XPOT: variants seen among roughly 807,000 people sequenced by gnomAD.
XPOT encodes the protein exportin for tRNA, also known as exportin-T.
A neutral mutation model predicts 128.2 loss-of-function variants in XPOT; 34 were observed. The observed-to-expected ratio is 0.27, with a 90% CI of 0.20 to 0.35. The LOEUF (loss-of-function observed/expected upper bound fraction) is 0.35, where lower values mean the gene tolerates loss of function less well. XPOT is among the 10% of genes least tolerant of loss of function. The pLI is 1.00. For synonymous variants in XPOT, 348 were observed against 394.3 expected (o/e 0.88, Z 1.39); for missense variants, 838 against 1,125.3 (o/e 0.74, Z 3.65).
chr12:64,431,779 C>T lies in XPOT; in HGVS notation c.2218C>T (p.Gln740Ter). 6.2e-7 allele frequency: 1 copy of T among 1,614,016 alleles called. No homozygotes were observed. The highest frequency in any genetic ancestry group is 8.5e-7 in the Non-Finnish European group (1 of 1,179,976). ...CAAAGATTGTGAAGCAAAAGATCTC[C>T]AGGAGTTCATTCCTCTTATCAACCA... ...MLKDCEAKDL[Q>*]EFIPLINQIT... Residue 740 changes from glutamine (Q) to a stop codon, truncating the protein, a stop_gained, in exon 18 of 25, where the codon CAG (glutamine) becomes TAG (stop). Transcript: ENST00000332707. LOFTEE classifies it high-confidence loss of function.
chr12:64,411,783 C>T (rs2040040734), intron 2 of XPOT, among the ~76,000 whole-genome samples: 1 of 152,074 alleles, frequency 6.6e-6, no homozygotes, highest in Non-Finnish European at 1.5e-5. Flanking sequence ...ATCTGTAATT[C>T]TCTGTTTTTT....
intron 1 of XPOT, among the ~76,000 whole-genome samples, chr12:64,405,510 G>A (rs1251803823): frequency 6.6e-6 from 1 of 152,198 alleles, no homozygotes; most frequent in Non-Finnish European, 1.5e-5. Context: ...GATTCTTAAT[G>A]GCTATCCAGG....
In XPOT at chr12:64,404,747, C is replaced by T. The variant is rs1008570635; in HGVS notation, c.-132C>T. On this transcript the variant is annotated 5_prime_UTR_variant, in exon 1 of 25. Transcript: ENST00000332707. ...GCTCTCTGCGTGCCGCGCCGCTCCG[C>T]TCCGCTGGCTGACCATCTGGAGTGC... 6.6e-6 allele frequency: 1 copy of T among 152,340 alleles called. No individual in the cohort carries two copies. The highest frequency in any genetic ancestry group is 1.5e-5 in the Non-Finnish European group (1 of 68,148). 9.4% of individuals were successfully genotyped at this position (152,340 alleles called of 1,614,324 possible).
chr12:64,416,319 C>T (rs1168970531), intron 3 of XPOT, among the ~76,000 whole-genome samples: 2 of 152,174 alleles, frequency 1.3e-5, no homozygotes, highest in Non-Finnish European at 2.9e-5. Context: ...CACTCAGACT[C>T]TGTCTGTTCT....
intron 2 of XPOT, among the ~76,000 whole-genome samples, chr12:64,411,308 T>C (rs2040036684): frequency 6.6e-6 from 1 of 152,226 alleles, no homozygotes; most frequent in Non-Finnish European, 1.5e-5. Context: ...TATTGCATGC[T>C]TGTAATTAAA....
chr12:64,435,018 G>A, intron 21 of XPOT, 109 bp downstream of exon 21: 1 of 907,448 alleles, frequency 1.1e-6, no homozygotes, highest in Non-Finnish European at 1.7e-6. Context: ...TTTTAACTTA[G>A]TGATTTCAGA....
At chr12:64,426,382 C>T (rs984611497) in intron 15 of XPOT, among the ~76,000 whole-genome samples, 2 of 151,764 alleles carry the variant, frequency 1.3e-5, no homozygotes, top group South Asian at 2.1e-4. Flanking sequence ...AAAATCATGT[C>T]CTTTACAGCA....
At chr12:64,408,473 T>A (rs144039735) in intron 1 of XPOT, among the ~76,000 whole-genome samples, 92 of 152,320 alleles carry the variant, frequency 6.0e-4, no homozygotes, top group African/African-American at 2.2e-3. Context: ...GAGAGAATAA[T>A]ATCATTTTTC....
chr12:64,415,816 C>T (rs2040082812), intron 3 of XPOT, among the ~76,000 whole-genome samples: 1 of 152,176 alleles, frequency 6.6e-6, no homozygotes, highest in South Asian at 2.1e-4. Flanking sequence ...TGTAACCCAT[C>T]CTCTACAATT....
At chr12:64,437,504 G>A (rs2040292715) in intron 22 of XPOT, among the ~76,000 whole-genome samples, 1 of 152,170 alleles carries the variant, frequency 6.6e-6, no homozygotes, top group Non-Finnish European at 1.5e-5. Flanking sequence ...GATGTCACAT[G>A]GTGGATTTGG....
intron 5 of XPOT, 141 bp downstream of exon 5, chr12:64,418,256 T>A: frequency 1.5e-6 from 1 of 649,742 alleles, no homozygotes; most frequent in Non-Finnish European, 2.6e-6. Flanking sequence ...GTGCTGGTTT[T>A]AAAGATCATG....
chr12:64,439,252 A>G lies in XPOT; in HGVS notation c.2742A>G (p.Glu914=). 2 of 1,613,972 alleles carry G rather than the reference A, an allele frequency of 1.2e-6. No homozygotes were observed. Among genetic ancestry groups the G allele is most frequent in the Non-Finnish European group, 8.5e-7 (1 of 1,179,894 alleles). The change falls in exon 23 of 25, where the codon GAA becomes GAG. Residue 914 remains glutamate (E), a synonymous_variant. Coordinates refer to ENST00000332707, the MANE Select transcript of XPOT (RefSeq NM_007235.6). ...TATCTTTTAATCTTCAGGGCCCAGA[A>G]TGTGTTCAGTATCTTCAACAAGAAT... The part of the protein sequence containing the change: ...LKTIHLKRGP[E]CVQYLQQEYL...
rs888499118 is a variant in XPOT, at chr12:64,439,131, G to A, written c.2734-113G>A. 23 of 995,466 alleles carry A rather than the reference G, an allele frequency of 2.3e-5. No homozygotes were observed. In the African/African-American group the frequency reaches 3.2e-4, roughly 14 times the overall value. The allele number at this position is 995,466 out of a possible 1,614,324, so 61.7% of individuals were successfully genotyped here. On this transcript the variant is annotated intron_variant, in intron 22 of 24. Coordinates refer to ENST00000332707, the MANE Select transcript of XPOT (RefSeq NM_007235.6). ...AAGGCAGTCTGGCTCTCGGGTCTGT[G>A]TTCTTAAGCACAATACTATATTGCC...
intron 23 of XPOT, among the ~76,000 whole-genome samples, chr12:64,441,869 T>C (rs879380298): frequency 6.3e-5 from 9 of 143,584 alleles, no homozygotes; most frequent in Non-Finnish European, 9.1e-5. Context: ...TTGTTTTTGC[T>C]TTTTTTTTTA....
Position 64,420,158 on chromosome 12 carries a change from A to C in XPOT, c.578A>C (p.Asn193Thr), listed in dbSNP as rs2040125101. The change falls in exon 7 of 25, where the codon AAT becomes ACT. Residue 193 changes from asparagine to threonine, a missense_variant. Physicochemically the swap from Asn to Thr is moderately conservative, Grantham distance 65. Coordinates refer to ENST00000332707, the MANE Select transcript of XPOT (RefSeq NM_007235.6). ...LVESWYQILQ[N>T]YQFTNSEVTC... is the part of the protein sequence containing the mutation. The stretch of plus-strand genomic sequence containing the variant: ...GAATCATGGTACCAAATATTACAAA[A>C]TTATCAGTTTACTAATTCTGAAGTG... 2 of 1,613,002 alleles carry C rather than the reference A, an allele frequency of 1.2e-6. No individual in the cohort carries two copies. The highest frequency in any genetic ancestry group is 1.7e-6 in the Non-Finnish European group (2 of 1,179,574).
Position 64,434,593 on chromosome 12 carries a change from A to G in XPOT, c.2539A>G (p.Ile847Val), listed in dbSNP as rs761541240. ...TCCAATTGCACAGAAAACATGTTTT[A>G]TCATCCTCTCAAAGTTGGTAGAACT... ...PDPIAQKTCFIILSKLVELWG... is the reference protein window; with the variant it reads ...PDPIAQKTCFVILSKLVELWG... Residue 847 changes from isoleucine to valine, a missense_variant, in exon 20 of 25, where the codon ATC (isoleucine) becomes GTC (valine). Transcript: ENST00000332707. The G allele has an allele frequency of 5.6e-6, 9 of 1,614,060 alleles. No homozygotes were observed. The highest frequency in any genetic ancestry group is 7.6e-6 in the Non-Finnish European group (9 of 1,179,912).
At chr12:64,446,460 T>C (rs1592343687) in intron 24 of XPOT, among the ~76,000 whole-genome samples, 1 of 152,342 alleles carries the variant, frequency 6.6e-6, no homozygotes, top group East Asian at 1.9e-4. Context: ...CTCTCTCTTC[T>C]GTCTCTGCTG....
At chr12:64,443,614 C>T (rs1474368623) in intron 23 of XPOT, among the ~76,000 whole-genome samples, 2 of 152,084 alleles carry the variant, frequency 1.3e-5, no homozygotes, top group Non-Finnish European at 2.9e-5. Context: ...GCCACCACAC[C>T]TGGCTAGTTT....
At chr12:64,447,916 T>C (rs1294539234) in intron 24 of XPOT, among the ~76,000 whole-genome samples, 189 bp from the exon 25 acceptor site, 1 of 152,128 alleles carries the variant, frequency 6.6e-6, no homozygotes, top group African/African-American at 2.4e-5. Flanking sequence ...GCATAAGTTA[T>C]ATCTACACTT....
Sources: gnomAD v4.1 joint callset for allele counts (sites outside exome capture counted in the v4.1 genomes callset) on GRCh38, gnomAD v4.1.1 for gene constraint, MANE v1.5 for transcripts, NCBI Gene and HGNC (gene_info 2026-07-23, HGNC 2026-07-21) for gene names.